Variants in DDX3X observed in about 807,000 individuals in gnomAD.
DDX3X encodes ATP-dependent RNA helicase DDX3X.
DDX3X carries 4 observed loss-of-function variants against 52.7 expected under a neutral mutation model. That is an observed-to-expected ratio of 0.08 (90% CI 0.04 to 0.17). The LOEUF (loss-of-function observed/expected upper bound fraction) is 0.17. Ranked by LOEUF, DDX3X falls within the 10% of genes least tolerant of loss-of-function variation. The pLI, the probability that DDX3X is intolerant of heterozygous loss-of-function variation, is 1.00. For synonymous variants in DDX3X, 192 were observed against 178.1 expected, an observed-to-expected ratio of 1.08 and a Z score of -0.62; for missense variants, 222 against 548.6, an observed-to-expected ratio of 0.40 and a Z score of 5.95.
At position 41,341,535 on chromosome X, in the gene DDX3X, C is replaced by G; in HGVS notation, c.203C>G (p.Ala68Gly). 1.7e-6 allele frequency: 2 copies of G among 1,203,481 alleles called. No individual in the cohort carries two copies. The change falls in exon 4 of 17, where the codon GCG (alanine) becomes GGG (glycine). Residue 68 changes from alanine (A) to glycine (G), a missense_variant. By Grantham distance (60) the Ala-to-Gly change is moderately conservative (BLOSUM62 0). Transcript: ENST00000644876. ...TGGAGTTCTAGCAAAGATAAGGATGCGTATAGCAGTTTTGGATCTCGTAGT... is the reference window on the plus strand; with the variant it reads ...TGGAGTTCTAGCAAAGATAAGGATGGGTATAGCAGTTTTGGATCTCGTAGT... ...SGWSSSKDKDAYSSFGSRSDS... is the reference protein window; with the variant it reads ...SGWSSSKDKDGYSSFGSRSDS...
At chrX:41,352,763 GT>G (rs1389487816), downstream of DDX3X, among the ~76,000 whole-genome samples, 1 of 111,109 alleles carries the variant, frequency 9.0e-6, no homozygotes, top group Non-Finnish European at 1.9e-5. Context: ...GAAATCTGTG[GT>G]TTTGGTTTTG....
Position 41,334,167 on chromosome X carries a change from CGCA to C in DDX3X, c.-84_-82del. The C allele has an allele frequency of 9.9e-7, 1 of 1,007,256 alleles. No individual in the cohort carries two copies. The highest frequency in any genetic ancestry group is 3.2e-5 in the East Asian group (1 of 31,160). The allele number at this position is 1,007,256 out of a possible 1,213,427, so 83.0% of individuals were successfully genotyped here. ...GTGGCCGCGCGGTGCGCTCCAGAGCCGCAGTTCTCCCGTGAGAGGGCCTTCGCG... is the reference window on the plus strand; with the variant it reads ...GTGGCCGCGCGGTGCGCTCCAGAGCCGTTCTCCCGTGAGAGGGCCTTCGCG... On this transcript the variant is annotated 5_prime_UTR_variant, in exon 1 of 17. Coordinates refer to ENST00000644876, the MANE Select transcript of DDX3X (RefSeq NM_001356.5).
chrX:41,337,192 C>CTGTA (rs1366046273), intron 1 of DDX3X, among the ~76,000 whole-genome samples: 1 of 112,198 alleles, frequency 8.9e-6, no homozygotes, highest in Non-Finnish European at 1.9e-5. Context: ...GTGCCGCCTT[C>CTGTA]TGTAGTATAT....
intron 5 of DDX3X, among the ~76,000 whole-genome samples, chrX:41,359,060 C>T (rs2064019281): frequency 1.8e-5 from 2 of 112,169 alleles, no homozygotes; most frequent in South Asian, 7.2e-4. Context: ...CTGGCCTGTA[C>T]AGGAATTTTG....
chrX:41,338,899 CT>C, intron 2 of DDX3X, 136 bp from the exon 3 acceptor site: 2 of 217,178 alleles, frequency 9.2e-6, no homozygotes, highest in Admixed American at 7.3e-5. Flanking sequence ...TTTTTCCCCC[CT>C]CTCAGTGTCC....
intron 15 of DDX3X, 95 bp downstream of exon 15, chrX:41,347,107 A>G: frequency 9.9e-7 from 1 of 1,006,811 alleles, no homozygotes; most frequent in Non-Finnish European, 1.4e-6. Flanking sequence ...TTAACTGTAC[A>G]GTATTTAAAA....
intron 15 of DDX3X, 138 bp downstream of exon 15, chrX:41,347,150 G>GGT: frequency 1.2e-5 from 11 of 913,387 alleles, no homozygotes; most frequent in Non-Finnish European, 1.7e-5. Flanking sequence ...TAGATTCTTT[G>GGT]GTAAGGGGTT....
At chrX:41,340,729 C>T (rs1015611518) in intron 3 of DDX3X, 4 of 293,614 alleles carry the variant, frequency 1.4e-5, no homozygotes, top group African/African-American at 1.1e-4. Context: ...ACTATTGAAA[C>T]TGAAAAATAC....
intron 1 of DDX3X, chrX:41,334,786 G>A (rs768978928): frequency 1.2e-5 from 11 of 934,313 alleles, no homozygotes; most frequent in South Asian, 8.8e-5. Context: ...CGCGGCCCAG[G>A]AATGTGGGAG....
At position 41,347,427 on chromosome X, in the gene DDX3X, G is replaced by A. The variant is rs1476609971; in HGVS notation, c.1885G>A (p.Gly629Ser). 2 of 1,210,879 alleles carry A rather than the reference G, an allele frequency of 1.7e-6. No homozygotes were observed. Among genetic ancestry groups the A allele is most frequent in the Non-Finnish European group, 1.1e-6 (1 of 894,932 alleles). ...SSSRSGGGGHGSSRGFGGGGY... is the reference protein window; with the variant it reads ...SSSRSGGGGHSSSRGFGGGGY... ...CAGCCGCAGTGGCGGAGGTGGCCAC[G>A]GTAGCAGCAGAGGATTTGGTGGAGG... The change falls in exon 16 of 17, where the codon GGT becomes AGT. Residue 629 changes from glycine (G) to serine (S), a missense_variant. Physicochemically the swap from Gly to Ser is moderately conservative, Grantham distance 56. This residue lies in a region of DDX3X where 38 missense variants were observed against 52.0 expected (regional missense o/e 0.73). Transcript: ENST00000644876.
chrX:41,356,752 C>T (rs1031893471), intron 5 of DDX3X, among the ~76,000 whole-genome samples: 16 of 109,432 alleles, frequency 1.5e-4, no homozygotes, highest in Non-Finnish European at 2.9e-4. Context: ...CGTGAGCCAC[C>T]GTGCCCGGCC....
chrX:41,352,377 A>G (rs186993908), downstream of DDX3X, among the ~76,000 whole-genome samples: 3 of 111,687 alleles, frequency 2.7e-5, no homozygotes, highest in East Asian at 2.8e-4. Context: ...AGTACCTCCT[A>G]TCTTTCGCTG....
chrX:41,336,179 CAA>C (rs1437870809), intron 1 of DDX3X: 2 of 112,303 alleles, frequency 1.8e-5, no homozygotes, highest in African/African-American at 6.5e-5. Context: ...GCATCTTTTG[CAA>C]ACAGGTTGGC....
At chrX:41,360,320 G>A (rs1397385404) in intron 5 of DDX3X, among the ~76,000 whole-genome samples, 1 of 107,794 alleles carries the variant, frequency 9.3e-6, no homozygotes, top group Non-Finnish European at 1.9e-5. Context: ...AGAAGTTGCG[G>A]TGAGCTGAGA....
chrX:41,344,725 A>G lies in DDX3X; in HGVS notation c.1025+326A>G, dbSNP rs1288951235. On this transcript the variant is annotated intron_variant, in intron 10 of 16. Coordinates refer to ENST00000644876, the MANE Select transcript of DDX3X (RefSeq NM_001356.5). Reference sequence around the variant, plus strand: ...AGTGCTGGGATTACAGGTGTGAGCCATCGCACCCGGCCAAGTATGTTAATT... The same window carrying G: ...AGTGCTGGGATTACAGGTGTGAGCCGTCGCACCCGGCCAAGTATGTTAATT... 5.3e-5 allele frequency among the ~76,000 whole-genome samples: 6 copies of G among 112,452 alleles called. No individual in the cohort carries two copies. The East Asian group carries it at 1.4e-3, about 26-fold the overall frequency.
upstream of DDX3X, chrX:41,333,779 A>G (rs1198597902): frequency 1.7e-5 from 2 of 119,507 alleles, no homozygotes; most frequent in African/African-American, 6.5e-5. Context: ...AAGGGGAGCG[A>G]ATGCGTAAGG....
rs200637678 is a variant in DDX3X, at chrX:41,347,309, T to C, written c.1770-3T>C. On this transcript the variant is annotated splice_polypyrimidine_tract_variant and splice_region_variant and intron_variant, in intron 15 of 16. Transcript: ENST00000644876. ...GTGAACCAACATAATTTTTTTCTTATAGTAGCAGATTTAGTGGAGGGTTTG... is the reference window on the plus strand; with the variant it reads ...GTGAACCAACATAATTTTTTTCTTACAGTAGCAGATTTAGTGGAGGGTTTG... 1.5e-4 allele frequency: 177 copies of C among 1,201,097 alleles called. No homozygotes were observed. The highest frequency in any genetic ancestry group is 1.4e-3 in the Admixed American group (61 of 44,253).
At chrX:41,334,009 C>A (rs1029536386), upstream of DDX3X, 13 of 395,692 alleles carry the variant, frequency 3.3e-5, no homozygotes, top group Non-Finnish European at 5.8e-5. Context: ...AGTAGGAAAT[C>A]CCTTGAGCTT....
intron 5 of DDX3X, chrX:41,358,063 CT>C: frequency 9.2e-6 from 1 of 108,704 alleles, no homozygotes; most frequent in East Asian, 2.0e-4. Context: ...GAGATAGACA[CT>C]CTTTTTTTTT....
Sources: gnomAD v4.1 joint callset for allele counts (sites outside exome capture counted in the v4.1 genomes callset) on GRCh38, gnomAD v4.1.1 for gene constraint, gnomAD v4.1.1 regional missense constraint, MANE v1.5 for transcripts, NCBI Gene and HGNC (gene_info 2026-07-23, HGNC 2026-07-21) for gene names.